The following GOLGA8R variants were observed in gnomAD, a reference collection of about 807,000 sequenced individuals.
The protein encoded by GOLGA8R is golgin subfamily A member 8R.
Under a neutral mutation model 21.4 loss-of-function variants are expected in GOLGA8R, and 6 were observed. That is an observed-to-expected ratio of 0.28 (90% CI 0.15 to 0.55). The LOEUF is 0.55. GOLGA8R is among the 20% of genes least tolerant of loss of function. The pLI, the probability that GOLGA8R is intolerant of heterozygous loss-of-function variation, is 0.94. For synonymous variants in GOLGA8R, 8 were observed against 49.3 expected (o/e 0.16, Z 3.51); for missense variants, 41 against 139.9 (o/e 0.29, Z 3.57).
At chr15:30,407,787 C>T in intron 11 of GOLGA8R, 121 bp downstream of exon 11, 1 of 1,591,660 alleles carries the variant, frequency 6.3e-7, no homozygotes, top group South Asian at 1.1e-5. Context: ...TCTCCTGGCA[C>T]AGATCTCTTT....
In GOLGA8R at chr15:30,403,094, CT is replaced by C; in HGVS notation, c.*645del. ...TGCACGTACCTGCCAGAGGAGGCCA[CT>C]TTCCTCTTCTGTGAGATTTAAAAAG... On this transcript the variant is annotated 3_prime_UTR_variant, in exon 19 of 19. Coordinates refer to ENST00000327271, the MANE Select transcript of GOLGA8R (RefSeq NM_001282484.1). Among the ~76,000 whole-genome samples the C allele has an allele frequency of 7.9e-6, 1 of 126,866 alleles. No individual in the cohort carries two copies. 83.2% of individuals were successfully genotyped at this position (126,866 alleles called of 152,430 possible).
At position 30,403,027 on chromosome 15, in the gene GOLGA8R, T is replaced by A. The variant is rs1384381898; in HGVS notation, c.*713A>T. 1.6e-5 allele frequency among the ~76,000 whole-genome samples: 2 copies of A among 126,534 alleles called. 1 individual carries two copies. Among genetic ancestry groups the A allele is most frequent in the African/African-American group, 6.4e-5 (2 of 31,232 alleles). The allele number at this position is 126,534 out of a possible 152,430, so 83.0% of individuals were successfully genotyped here. ...TCCTAAGGGAACCACCATAATACAC[T>A]GCTAATTCCTGGCACCGGAACAGAT... On this transcript the variant is annotated 3_prime_UTR_variant, in exon 19 of 19. Coordinates refer to ENST00000327271, the MANE Select transcript of GOLGA8R (RefSeq NM_001282484.1).
At chr15:30,411,924 C>T (rs1422364553) in intron 2 of GOLGA8R, 1 of 170,208 alleles carries the variant, frequency 5.9e-6, no homozygotes, top group Non-Finnish European at 1.1e-5. Flanking sequence ...ACCCAGAATT[C>T]CTTTTTTTTT....
In GOLGA8R at chr15:30,403,117, A is replaced by G. The variant is rs879373177; in HGVS notation, c.*623T>C. On this transcript the variant is annotated 3_prime_UTR_variant, in exon 19 of 19. Coordinates refer to ENST00000327271, the MANE Select transcript of GOLGA8R (RefSeq NM_001282484.1). Reference sequence around the variant, plus strand: ...CACTTTCCTCTTCTGTGAGATTTAAAAAGCTCCCCCAAAAGGTTATCACTC... The same window carrying G: ...CACTTTCCTCTTCTGTGAGATTTAAGAAGCTCCCCCAAAAGGTTATCACTC... Among the ~76,000 whole-genome samples, 2,727 of 121,376 alleles carry G rather than the reference A, an allele frequency of 0.022. 368 individuals are homozygous for G. Among genetic ancestry groups the G allele is most frequent in the African/African-American group, 0.076 (2,363 of 31,084 alleles). The allele number at this position is 121,376 out of a possible 152,430, so 79.6% of individuals were successfully genotyped here. A position where few individuals can be genotyped will look rare whatever the true frequency, so the allele number is the denominator to read the frequency against.
In GOLGA8R at chr15:30,408,018, C is replaced by A. The variant is rs769227165; in HGVS notation, c.787-26G>T. 8 of 1,612,868 alleles carry A rather than the reference C, an allele frequency of 5.0e-6. No individual in the cohort carries two copies. The South Asian group carries it at 8.8e-5, about 18-fold the overall frequency. On this transcript the variant is annotated intron_variant, in intron 10 of 18. Coordinates refer to ENST00000327271, the MANE Select transcript of GOLGA8R (RefSeq NM_001282484.1). ...CTGCCCAAAGCACAGGGGGAAAGGGCCCTGGAGAGAGGGGCTGGTGGCTGG... is the reference window on the plus strand; with the variant it reads ...CTGCCCAAAGCACAGGGGGAAAGGGACCTGGAGAGAGGGGCTGGTGGCTGG...
chr15:30,407,330 T>C lies in GOLGA8R; in HGVS notation c.1073A>G (p.Glu358Gly), dbSNP rs1283897212. ...CAGCTGCCGAAGCTTCTCGTGCTGC[T>C]CCTGAAGCCTCTCCTCCTGCTTCCG... ...RLRKQEERLQEQHEKLRQLAK... is the reference protein window; with the variant it reads ...RLRKQEERLQGQHEKLRQLAK... Residue 358 changes from glutamate to glycine, a missense_variant, in exon 12 of 19, where the codon GAG becomes GGG. By Grantham distance (98) the Glu-to-Gly change is moderately conservative. Transcript: ENST00000327271. The C allele has an allele frequency of 1.4e-6, 1 of 703,086 alleles. No homozygotes were observed. Among genetic ancestry groups the C allele is most frequent in the African/African-American group, 2.5e-5 (1 of 39,588 alleles). 43.6% of individuals were successfully genotyped at this position (703,086 alleles called of 1,614,324 possible).
chr15:30,407,754 C>A (rs1595527514), intron 11 of GOLGA8R, among the ~76,000 whole-genome samples, 154 bp downstream of exon 11: 1 of 152,404 alleles, frequency 6.6e-6, no homozygotes, highest in Non-Finnish European at 1.5e-5. Context: ...CACTGAGACT[C>A]ACTGAGATGA....
intron 17 of GOLGA8R, 34 bp downstream of exon 17, chr15:30,404,217 CA>C: frequency 4.5e-3 from 1 of 220 alleles, no homozygotes; most frequent in Non-Finnish European, 7.4e-3. Flanking sequence ...CACCCACCCC[CA>C]CCCCCACCCC....
rs1482302966 is a variant in GOLGA8R, at chr15:30,402,882, C to T, written c.*858G>A. Among the ~76,000 whole-genome samples, 4 of 114,306 alleles carry T rather than the reference C, an allele frequency of 3.5e-5. No homozygotes were observed. Among genetic ancestry groups the T allele is most frequent in the Non-Finnish European group, 7.5e-5 (4 of 53,666 alleles). 75.0% of individuals were successfully genotyped at this position (114,306 alleles called of 152,430 possible). ...TAAGCTAGGAAAGGTTTTCCACATC[C>T]ACAGTCAACGATGGGAACCTTTCAT... On this transcript the variant is annotated 3_prime_UTR_variant, in exon 19 of 19. Coordinates refer to ENST00000327271, the MANE Select transcript of GOLGA8R (RefSeq NM_001282484.1).
chr15:30,407,998 CA>C lies in GOLGA8R; in HGVS notation c.787-7del, dbSNP rs1567414020. 1 of 1,613,114 alleles carries C rather than the reference CA, an allele frequency of 6.2e-7. No individual in the cohort carries two copies. The highest frequency in any genetic ancestry group is 1.1e-5 in the South Asian group (1 of 91,050). On this transcript the variant is annotated splice_polypyrimidine_tract_variant and splice_region_variant and intron_variant, in intron 10 of 18. Coordinates refer to ENST00000327271, the MANE Select transcript of GOLGA8R (RefSeq NM_001282484.1). ...TCTTTCTTTAATGTGCAAATCTGCC[CA>C]AAGCACAGGGGGAAAGGGCCCTGGA...
chr15:30,408,004 A>T lies in GOLGA8R; in HGVS notation c.787-12T>A. 1.2e-6 allele frequency: 2 copies of T among 1,613,172 alleles called. No homozygotes were observed. The highest frequency in any genetic ancestry group is 1.7e-6 in the Non-Finnish European group (2 of 1,179,454). On this transcript the variant is annotated splice_polypyrimidine_tract_variant and intron_variant, in intron 10 of 18. Transcript: ENST00000327271. ...TTTAATGTGCAAATCTGCCCAAAGCACAGGGGGAAAGGGCCCTGGAGAGAG... is the reference window on the plus strand; with the variant it reads ...TTTAATGTGCAAATCTGCCCAAAGCTCAGGGGGAAAGGGCCCTGGAGAGAG...
rs199559226 is a variant in GOLGA8R, at chr15:30,404,344, A to G, written c.1472T>C (p.Ile491Thr). ...CCCTGGTTCTGATAAAAGGTGATGG[A>G]TTTTCCTGCGGGAGGACAGGGCTCA... ...QYWQERCHQK[I>T]HHLLSEPGGR... is the part of the protein sequence containing the mutation. Residue 491 changes from isoleucine to threonine, a missense_variant, in exon 17 of 19, where the codon ATC becomes ACC. Coordinates refer to ENST00000327271, the MANE Select transcript of GOLGA8R (RefSeq NM_001282484.1). The G allele has an allele frequency of 0.069, 2,028 of 29,506 alleles. 626 individuals carry two copies. Among genetic ancestry groups the G allele is most frequent in the East Asian group, 0.19 (49 of 258 alleles). The allele number at this position is 29,506 out of a possible 1,614,324, so 1.8% of individuals were successfully genotyped here.
At chr15:30,407,724 T>C (rs1461287398) in intron 11 of GOLGA8R, among the ~76,000 whole-genome samples, 184 bp downstream of exon 11, 1 of 152,268 alleles carries the variant, frequency 6.6e-6, no homozygotes, top group African/African-American at 2.4e-5. Context: ...GGGCCCTCTT[T>C]GCTGATGGGG....
chr15:30,404,212 A>ACCCCC lies in GOLGA8R; in HGVS notation c.1564+35_1564+39dup. The ACCCCC allele has an allele frequency of 6.4e-3, 8 of 1,248 alleles. 3 individuals carry two copies. The highest frequency in any genetic ancestry group is 0.019 in the Admixed American group (2 of 104). 0.1% of individuals were successfully genotyped at this position (1,248 alleles called of 1,614,324 possible). A position where few individuals can be genotyped will look rare whatever the true frequency, so the allele number is the denominator to read the frequency against. Reference sequence around the variant, plus strand: ...GCTGCCTGCGCCCACCCTCACACCCACCCCCACCCCCACCCCCACAGAGAT... The same window carrying ACCCCC: ...GCTGCCTGCGCCCACCCTCACACCCACCCCCCCCCCACCCCCACCCCCACAGAGAT... On this transcript the variant is annotated intron_variant, in intron 17 of 18. Coordinates refer to ENST00000327271, the MANE Select transcript of GOLGA8R (RefSeq NM_001282484.1).
chr15:30,408,019 C>G, intron 10 of GOLGA8R, 27 bp from the exon 11 acceptor site: 1 of 1,612,992 alleles, frequency 6.2e-7, no homozygotes, highest in Non-Finnish European at 8.5e-7. Context: ...GGGAAAGGGC[C>G]CTGGAGAGAG....
At chr15:30,407,783 G>T (rs1344794633) in intron 11 of GOLGA8R, 125 bp downstream of exon 11, 1 of 1,594,524 alleles carries the variant, frequency 6.3e-7, no homozygotes, top group Non-Finnish European at 8.6e-7. Context: ...GCGGTCTCCT[G>T]GCACAGATCT....
In GOLGA8R at chr15:30,402,995, A is replaced by G. The variant is rs2059055306; in HGVS notation, c.*745T>C. Among the ~76,000 whole-genome samples, 1 of 131,254 alleles carries G rather than the reference A, an allele frequency of 7.6e-6. No homozygotes were observed. Among genetic ancestry groups the G allele is most frequent in the South Asian group, 2.7e-4 (1 of 3,640 alleles). The allele number at this position is 131,254 out of a possible 152,430, so 86.1% of individuals were successfully genotyped here. ...CAGTATCTTCATGAGCCCAGAGCAC[A>G]TACAAATCCTAAGGGAACCACCATA... On this transcript the variant is annotated 3_prime_UTR_variant, in exon 19 of 19. Coordinates refer to ENST00000327271, the MANE Select transcript of GOLGA8R (RefSeq NM_001282484.1).
rs1245970631 is a variant in GOLGA8R at position 30,402,938 on chromosome 15, G to A, written c.*802C>T. ...AGAAATAAGCCCTTTTTAGGTCATC[G>A]AAAAAGAGTGCAACTGCTGCAGCTC... On this transcript the variant is annotated 3_prime_UTR_variant, in exon 19 of 19. Coordinates refer to ENST00000327271, the MANE Select transcript of GOLGA8R (RefSeq NM_001282484.1). 3.1e-5 allele frequency among the ~76,000 whole-genome samples: 4 copies of A among 127,222 alleles called. 1 individual carries two copies. The highest frequency in any genetic ancestry group is 5.8e-4 in the South Asian group (2 of 3,442). 83.5% of individuals were successfully genotyped at this position (127,222 alleles called of 152,430 possible). A position where few individuals can be genotyped will look rare whatever the true frequency, so the allele number is the denominator to read the frequency against.
chr15:30,404,472 CTTG>C lies in GOLGA8R; in HGVS notation c.1423_1425del (p.Gln475del). On this transcript the variant is annotated inframe_deletion, in exon 16 of 19. Transcript: ENST00000327271. ...TGCCAGTATTGAATGAAGCGAAGTT[CTTG>C]TTTTTTCAGCAGCTCACTCAGGTCT... 15 of 104,930 alleles carry C rather than the reference CTTG, an allele frequency of 1.4e-4. No homozygotes were observed. Among genetic ancestry groups the C allele is most frequent in the Admixed American group, 2.6e-4 (2 of 7,796 alleles). The allele number at this position is 104,930 out of a possible 1,614,324, so 6.5% of individuals were successfully genotyped here.
Sources: gnomAD v4.1 joint callset for allele counts (sites outside exome capture counted in the v4.1 genomes callset) on GRCh38, gnomAD v4.1.1 for gene constraint, MANE v1.5 for transcripts, NCBI Gene and HGNC (gene_info 2026-07-23, HGNC 2026-07-21) for gene names.